Variants in SEC22C observed in about 807,000 individuals in gnomAD.
The protein encoded by SEC22C is SEC22 homolog C, vesicle trafficking protein, also known as vesicle-trafficking protein SEC22c.
SEC22C carries 29 observed loss-of-function variants against 34.7 expected under a neutral mutation model. The observed-to-expected ratio is 0.84, with a 90% CI of 0.62 to 1.14. The LOEUF (loss-of-function observed/expected upper bound fraction) is 1.14. Among genes scored for constraint, SEC22C ranks in the 50% most tolerant of loss-of-function variants. SEC22C has a pLI of 0.00. For missense variants in SEC22C, 337 were observed against 369.0 expected (o/e 0.91, Z 0.71); for synonymous variants, 117 against 132.8 (o/e 0.88, Z 0.82).
At chr3:42,586,306 T>C (rs1451711015), upstream of SEC22C, among the ~76,000 whole-genome samples, 3 of 152,204 alleles carry the variant, frequency 2.0e-5, no homozygotes, top group African/African-American at 7.2e-5. Context: ...TACTGCAACC[T>C]CTGCCTGCCG....
At chr3:42,556,283 A>G (rs1328629767) in intron 5 of SEC22C, among the ~76,000 whole-genome samples, 1 of 152,144 alleles carries the variant, frequency 6.6e-6, no homozygotes, top group African/African-American at 2.4e-5. Context: ...ATCTGTTAAG[A>G]CCTAGCTTTC....
intron 1 of SEC22C, among the ~76,000 whole-genome samples, chr3:42,576,999 C>T (rs1704007000): frequency 6.6e-6 from 1 of 151,994 alleles, no homozygotes; most frequent in African/African-American, 2.4e-5. Flanking sequence ...TGATTTTTTA[C>T]AAAGTGCAAA....
At chr3:42,597,551 G>C (rs1186726539) in intron 1 of SEC22C, among the ~76,000 whole-genome samples, 1 of 142,200 alleles carries the variant, frequency 7.0e-6, no homozygotes, top group African/African-American at 2.6e-5. Flanking sequence ...GCGAGACTTT[G>C]TCTCAAAAAA....
intron 1 of SEC22C, chr3:42,590,853 G>A (rs373711202): frequency 4.5e-5 from 72 of 1,603,532 alleles, no homozygotes; most frequent in African/African-American, 6.7e-5. Flanking sequence ...CCCACCTATC[G>A]TGGGTCGAGT....
chr3:42,592,353 C>T (rs1056867828), intron 1 of SEC22C, among the ~76,000 whole-genome samples: 1 of 152,120 alleles, frequency 6.6e-6, no homozygotes, highest in Non-Finnish European at 1.5e-5. Context: ...GCGTGTGCCA[C>T]CACGCCCTGC....
intron 1 of SEC22C, among the ~76,000 whole-genome samples, chr3:42,576,332 T>C (rs188346497): frequency 0.011 from 1,672 of 151,578 alleles, 18 homozygotes; most frequent in Non-Finnish European, 0.018. Flanking sequence ...ATCACAAACA[T>C]GGAAGGAAAT....
exon 1 of SEC22C, chr3:42,601,013 G>A (rs1471843557): frequency 6.3e-7 from 1 of 1,577,216 alleles, no homozygotes; most frequent in Non-Finnish European, 8.6e-7. Context: ...CGCGATGGGG[G>A]CGCAGGACCG....
rs543441169 is a variant in SEC22C at position 42,592,873 on chromosome 3, C to G, written c.-28+8087G>C. On this transcript the variant is annotated intron_variant, in intron 1 of 6. Coordinates refer to the SEC22C transcript ENST00000417572. ...TTTTTGGGTGAAGAACTCTACCCCC[C>G]CCACCGTAAACTTATGTTGATCATG... Among the ~76,000 whole-genome samples, 55 of 152,216 alleles carry G rather than the reference C, an allele frequency of 3.6e-4. No homozygotes were observed. In the South Asian group the frequency reaches 8.9e-3, roughly 25 times the overall value.
At chr3:42,558,560 G>A (rs1381474194) in intron 4 of SEC22C, among the ~76,000 whole-genome samples, 1 of 151,426 alleles carries the variant, frequency 6.6e-6, no homozygotes, top group Non-Finnish European at 1.5e-5. Flanking sequence ...GCTAAGGTGA[G>A]AGGATCACTT....
chr3:42,597,555 C>CAA (rs1240922376), intron 1 of SEC22C, among the ~76,000 whole-genome samples: 76 of 71,998 alleles, frequency 1.1e-3, no homozygotes, highest in South Asian at 5.5e-3. Context: ...GACTTTGTCT[C>CAA]AAAAAAAAAA....
intron 2 of SEC22C, among the ~76,000 whole-genome samples, chr3:42,567,911 A>G (rs934118066): frequency 1.4e-4 from 21 of 152,250 alleles, no homozygotes; most frequent in Admixed American, 3.9e-4. Flanking sequence ...TCTCTACTAA[A>G]AAATTCAAAA....
chr3:42,548,806 G>C lies in SEC22C; in HGVS notation c.*4442C>G. ...GTATAACAAAATGCCTTTTTGTAAA[G>C]GCCAGAAGAAATGGCTGTGCTGTGC... On this transcript the variant is annotated 3_prime_UTR_variant, in exon 7 of 7. Coordinates refer to ENST00000264454, the MANE Select transcript of SEC22C (RefSeq NM_032970.4). 1 of 1,464,492 alleles carries C rather than the reference G, an allele frequency of 6.8e-7. No individual in the cohort carries two copies. The highest frequency in any genetic ancestry group is 1.4e-5 in the African/African-American group (1 of 71,042). The allele number at this position is 1,464,492 out of a possible 1,614,324, so 90.7% of individuals were successfully genotyped here.
Position 42,590,888 on chromosome 3 carries a change from GT to G in SEC22C, c.-28+10071del, listed in dbSNP as rs775313868. The G allele has an allele frequency of 3.9e-5, 63 of 1,611,414 alleles. 2 individuals are homozygous for G. In the South Asian group the frequency reaches 6.9e-4, roughly 18 times the overall value. On this transcript the variant is annotated intron_variant, in intron 1 of 6. Transcript: ENST00000417572. ...TTGCTTGGCGGTCGTGGTTCCGGAG[GT>G]TCCTCGGGATGTCGGTGGCCTTCGT...
chr3:42,574,363 C>CAAAAAAAAAAAAAAAAAAAGAAA, intron 1 of SEC22C, among the ~76,000 whole-genome samples: 1 of 87,896 alleles, frequency 1.1e-5, no homozygotes, highest in Non-Finnish European at 2.2e-5. Flanking sequence ...GACCCTGTCT[C>CAAAAAAAAAAAAAAAAAAAGAAA]AAAAAAAAAA....
chr3:42,589,195 GGAGGCA>G (rs1196988561), intron 1 of SEC22C, among the ~76,000 whole-genome samples: 2 of 150,722 alleles, frequency 1.3e-5, no homozygotes, highest in Non-Finnish European at 3.0e-5. Flanking sequence ...CTTGAACCCG[GGAGGCA>G]GAGGTTGCAG....
In SEC22C at chr3:42,549,142, ACACTCACAGGG is replaced by A; in HGVS notation, c.*4095_*4105del. On this transcript the variant is annotated 3_prime_UTR_variant, in exon 7 of 7. Coordinates refer to ENST00000264454, the MANE Select transcript of SEC22C (RefSeq NM_032970.4). ...CTACACTCTTTCTCCACCATTATTAACACTCACAGGGCACAGGTAGAGCGTCCCCAGACCTG... is the reference window on the plus strand; with the variant it reads ...CTACACTCTTTCTCCACCATTATTAACACAGGTAGAGCGTCCCCAGACCTG... 2.0e-6 allele frequency: 2 copies of A among 991,306 alleles called. No individual in the cohort carries two copies. The highest frequency in any genetic ancestry group is 2.4e-6 in the Non-Finnish European group (2 of 833,096). 61.4% of individuals were successfully genotyped at this position (991,306 alleles called of 1,614,324 possible).
intron 3 of SEC22C, among the ~76,000 whole-genome samples, chr3:42,561,721 C>T (rs1011133803): frequency 2.0e-5 from 3 of 152,142 alleles, no homozygotes; most frequent in Non-Finnish European, 2.9e-5. Flanking sequence ...AATAAATCAG[C>T]CAGATTCTGA....
At chr3:42,571,919 G>C (rs1031563457) in intron 1 of SEC22C, among the ~76,000 whole-genome samples, 1 of 152,206 alleles carries the variant, frequency 6.6e-6, no homozygotes, top group African/African-American at 2.4e-5. Context: ...TGTAATCCCA[G>C]CTACTCAGGA....
intron 1 of SEC22C, among the ~76,000 whole-genome samples, chr3:42,589,829 G>A (rs914986614): frequency 1.3e-5 from 2 of 152,206 alleles, no homozygotes; most frequent in Non-Finnish European, 2.9e-5. Context: ...GGGACCACTG[G>A]TCTAGAAGAC....
Sources: allele counts gnomAD v4.1 joint callset (sites outside exome capture counted in the v4.1 genomes callset), GRCh38; gene constraint gnomAD v4.1.1; transcripts MANE v1.5; gene names NCBI Gene and HGNC (gene_info 2026-07-23, HGNC 2026-07-21).